The following CLTRN variants were observed in gnomAD, a reference collection of about 807,000 sequenced individuals.
The protein encoded by CLTRN is collectrin.
Under a neutral mutation model 14.5 loss-of-function variants are expected in CLTRN, and 12 were observed. The observed-to-expected ratio is 0.83, with a 90% CI of 0.53 to 1.34. The LOEUF (loss-of-function observed/expected upper bound fraction) is 1.34, where lower values mean the gene tolerates loss of function less well. Among genes scored for constraint, CLTRN ranks in the 40% most tolerant of loss-of-function variants. The probability of loss-of-function intolerance (pLI) is 0.00; values close to 1 mark genes in which losing one functional copy is unlikely to be tolerated. For synonymous variants in CLTRN, 58 were observed against 56.5 expected (o/e 1.03, Z -0.12); for missense variants, 154 against 165.1 (o/e 0.93, Z 0.37).
Position 15,655,969 on chromosome X carries a change from G to C in CLTRN, c.203+3047C>G, listed in dbSNP as rs1601733111. 3.6e-5 allele frequency among the ~76,000 whole-genome samples: 4 copies of C among 111,787 alleles called. No individual in the cohort carries two copies. The South Asian group carries it at 1.5e-3, about 42-fold the overall frequency. On this transcript the variant is annotated intron_variant, in intron 3 of 5. Coordinates refer to ENST00000380342, the MANE Select transcript of CLTRN (RefSeq NM_020665.6). The stretch of plus-strand genomic sequence containing the variant: ...GGAATGGGGACCAACTCATCAGCAT[G>C]AACTCAGTTGTCAACACCCTAGCTG...
At chrX:15,641,595 C>T (rs1001929680) in intron 4 of CLTRN, among the ~76,000 whole-genome samples, 23 of 109,022 alleles carry the variant, frequency 2.1e-4, no homozygotes, top group African/African-American at 7.8e-4. Flanking sequence ...GCATCAACCT[C>T]CCAAGTAGCT....
intron 1 of CLTRN, 61 bp from the exon 2 acceptor site, chrX:15,664,456 C>T: frequency 2.1e-6 from 2 of 966,774 alleles, no homozygotes; most frequent in Non-Finnish European, 2.9e-6. Context: ...AAAACAGAGT[C>T]TGAAAAATCC....
intron 3 of CLTRN, among the ~76,000 whole-genome samples, chrX:15,650,949 A>T (rs980643363): frequency 4.5e-5 from 5 of 111,499 alleles, no homozygotes; most frequent in African/African-American, 6.5e-5. Context: ...TGCTTGGATG[A>T]TGCTTTCAGA....
intron 1 of CLTRN, among the ~76,000 whole-genome samples, chrX:15,671,247 C>T (rs1272889010): frequency 6.3e-5 from 7 of 111,692 alleles, no homozygotes; most frequent in Non-Finnish European, 1.3e-4. Context: ...CTGGATTTGA[C>T]AAGTCAATTA....
At chrX:15,674,004 C>A (rs1448303666) in intron 1 of CLTRN, among the ~76,000 whole-genome samples, 1 of 112,333 alleles carries the variant, frequency 8.9e-6, no homozygotes, top group Non-Finnish European at 1.9e-5. Context: ...ATTACACCAT[C>A]TTTAATTTTC....
intron 2 of CLTRN, 121 bp downstream of exon 2, chrX:15,664,216 G>T: frequency 4.3e-6 from 2 of 463,076 alleles, no homozygotes; most frequent in Non-Finnish European, 3.7e-6. Flanking sequence ...AATCAGATTT[G>T]AGGTCTTTAG....
At position 15,634,471 on chromosome X, in the gene CLTRN, T is replaced by A. The variant is rs1468423198; in HGVS notation, c.512+5091A>T. ...ACCATCACCATCACCATCATCACCA[T>A]CACCATCACTATCACCATCATCATT... On this transcript the variant is annotated intron_variant, in intron 5 of 5. Coordinates refer to ENST00000380342, the MANE Select transcript of CLTRN (RefSeq NM_020665.6). Among the ~76,000 whole-genome samples the A allele has an allele frequency of 2.7e-5, 3 of 109,758 alleles. No homozygotes were observed. In the Admixed American group the frequency reaches 2.9e-4, roughly 11 times the overall value.
At chrX:15,648,342 C>A (rs2147204976) in intron 3 of CLTRN, among the ~76,000 whole-genome samples, 1 of 111,492 alleles carries the variant, frequency 9.0e-6, no homozygotes, top group Admixed American at 9.5e-5. Context: ...TGTGAGGATA[C>A]CATGTGCTTT....
At chrX:15,633,693 G>A (rs1206846293) in intron 5 of CLTRN, among the ~76,000 whole-genome samples, 2 of 112,389 alleles carry the variant, frequency 1.8e-5, no homozygotes, top group African/African-American at 6.5e-5. Flanking sequence ...AAGATCTGTG[G>A]AAATCCAAAT....
chrX:15,657,252 G>A (rs756638699), intron 3 of CLTRN, among the ~76,000 whole-genome samples: 12 of 112,010 alleles, frequency 1.1e-4, no homozygotes, highest in South Asian at 3.7e-4. Context: ...TGCCTGCCTC[G>A]GCCTCCCAAA....
At chrX:15,649,542 C>T (rs1242016524) in intron 3 of CLTRN, among the ~76,000 whole-genome samples, 2 of 111,519 alleles carry the variant, frequency 1.8e-5, no homozygotes, top group African/African-American at 3.3e-5. Flanking sequence ...CAAGTCATTT[C>T]GCTGTCTATG....
chrX:15,644,778 A>G, intron 4 of CLTRN, 138 bp downstream of exon 4: 1 of 446,368 alleles, frequency 2.2e-6, no homozygotes, highest in Non-Finnish European at 3.8e-6. Context: ...AACAGAAACT[A>G]ACAAAATGAA....
chrX:15,659,343 C>G, intron 2 of CLTRN, among the ~76,000 whole-genome samples: 1 of 111,370 alleles, frequency 9.0e-6, no homozygotes, highest in Non-Finnish European at 1.9e-5. Flanking sequence ...TTCCTAAGAA[C>G]CTGCAGCATC....
intron 2 of CLTRN, among the ~76,000 whole-genome samples, chrX:15,660,806 C>CCAACAA (rs35179264): frequency 4.7e-3 from 478 of 101,429 alleles, no homozygotes; most frequent in African/African-American, 8.6e-3. Context: ...GACCCTGTCT[C>CCAACAA]CAACAACAAC....
At chrX:15,646,232 CT>C (rs1929063444) in intron 3 of CLTRN, 1 of 233,353 alleles carries the variant, frequency 4.3e-6, no homozygotes, top group Non-Finnish European at 8.1e-6. Flanking sequence ...CCATGCAACA[CT>C]TGGTGGCCAG....
intron 4 of CLTRN, among the ~76,000 whole-genome samples, chrX:15,641,702 A>G (rs1271589046): frequency 1.9e-5 from 2 of 107,448 alleles, no homozygotes; most frequent in Admixed American, 1.0e-4. Context: ...TATATTGCCC[A>G]GGCTGGGGCT....
chrX:15,659,204 ACACACACACG>A, intron 2 of CLTRN, 103 bp from the exon 3 acceptor site: 1 of 360,321 alleles, frequency 2.8e-6, no homozygotes, highest in East Asian at 5.3e-5. Flanking sequence ...ACACACACAC[ACACACACACG>A]CACACACACA....
rs780683934 is a variant in CLTRN, at chrX:15,658,096, T to C, written c.203+920A>G. Among the ~76,000 whole-genome samples, 5 of 112,098 alleles carry C rather than the reference T, an allele frequency of 4.5e-5. No homozygotes were observed. In the East Asian group the frequency reaches 1.4e-3, roughly 31 times the overall value. On this transcript the variant is annotated intron_variant, in intron 3 of 5. Coordinates refer to ENST00000380342, the MANE Select transcript of CLTRN (RefSeq NM_020665.6). Reference sequence around the variant, plus strand: ...AAGGTTAGGTTGGAGGATATGACTTTAATCAGCAGGCAGAATTTCTCCCTA... The same window carrying C: ...AAGGTTAGGTTGGAGGATATGACTTCAATCAGCAGGCAGAATTTCTCCCTA...
intron 3 of CLTRN, among the ~76,000 whole-genome samples, chrX:15,645,960 T>C (rs998754023): frequency 8.8e-6 from 1 of 113,294 alleles, no homozygotes; most frequent in Non-Finnish European, 1.9e-5. Flanking sequence ...ATTTTCACAC[T>C]GATCAAAGAG....
Sources: allele counts gnomAD v4.1 joint callset (sites outside exome capture counted in the v4.1 genomes callset), GRCh38; gene constraint gnomAD v4.1.1; transcripts MANE v1.5; gene names NCBI Gene and HGNC (gene_info 2026-07-23, HGNC 2026-07-21).